The following DNTT variants were observed in gnomAD, a reference collection of about 807,000 sequenced individuals.
DNTT encodes nucleosidetriphosphate:DNA deoxynucleotidylexotransferase.
Under a neutral mutation model 60.9 loss-of-function variants are expected in DNTT, and 47 were observed. That is an observed-to-expected ratio of 0.77 (90% CI 0.61 to 0.98). The LOEUF is 0.98. Among genes scored for constraint, DNTT ranks in the 50% least tolerant of loss-of-function variants. DNTT has a pLI of 0.00. For missense variants in DNTT, 665 were observed against 627.5 expected (o/e 1.06, Z -0.64); for synonymous variants, 224 against 221.2 (o/e 1.01, Z -0.11).
At chr10:96,332,655 C>G (rs1320255703) in intron 9 of DNTT, 59 bp downstream of exon 9, 1 of 1,584,100 alleles carries the variant, frequency 6.3e-7, no homozygotes, top group East Asian at 2.2e-5. Flanking sequence ...TAGGCCGAGT[C>G]TACCTGGGCC....
chr10:96,328,005 A>C (rs554755146), intron 7 of DNTT, among the ~76,000 whole-genome samples: 1 of 152,120 alleles, frequency 6.6e-6, no homozygotes, highest in African/African-American at 2.4e-5. Context: ...ACATAGTTAC[A>C]GTGATTTGTT....
chr10:96,326,310 A>G (rs1457925199), intron 6 of DNTT, among the ~76,000 whole-genome samples: 1 of 151,564 alleles, frequency 6.6e-6, no homozygotes, highest in Non-Finnish European at 1.5e-5. Context: ...ATTTTTAGAA[A>G]TGTGGCTTTT....
chr10:96,317,939 G>A (rs1300157512), intron 1 of DNTT, among the ~76,000 whole-genome samples: 2 of 152,140 alleles, frequency 1.3e-5, no homozygotes, highest in Non-Finnish European at 2.9e-5. Context: ...AATATAAAAC[G>A]TATTTCTAAC....
chr10:96,335,757 A>G, intron 9 of DNTT, 134 bp from the exon 10 acceptor site: 1 of 938,750 alleles, frequency 1.1e-6, no homozygotes, highest in East Asian at 2.4e-5. Flanking sequence ...TCACCAGAGA[A>G]TTTGGCCCTG....
At chr10:96,327,722 A>G (rs773502678) in intron 7 of DNTT, 122 bp downstream of exon 7, 5 of 1,438,072 alleles carry the variant, frequency 3.5e-6, no homozygotes, top group African/African-American at 1.4e-5. Flanking sequence ...CTACAGCTTT[A>G]TCTCCTGCCT....
rs750797338 is a variant in DNTT, at chr10:96,328,863, C to T, written c.1113+33C>T. 3 of 1,592,516 alleles carry T rather than the reference C, an allele frequency of 1.9e-6. No individual in the cohort carries two copies. The East Asian group carries it at 6.7e-5, about 36-fold the overall frequency. On this transcript the variant is annotated intron_variant, in intron 8 of 10. Transcript: ENST00000371174. Reference sequence around the variant, plus strand: ...GAAAGATGAAAAATACATGCACACGCAAACATTATGTTAACACTTGAATTT... The same window carrying T: ...GAAAGATGAAAAATACATGCACACGTAAACATTATGTTAACACTTGAATTT...
chr10:96,317,972 T>C (rs1313012871), intron 1 of DNTT, among the ~76,000 whole-genome samples: 1 of 152,222 alleles, frequency 6.6e-6, no homozygotes, highest in Non-Finnish European at 1.5e-5. Flanking sequence ...TCAAACAAGT[T>C]TGAAGGCCAT....
At position 96,336,065 on chromosome 10, in the gene DNTT, G is replaced by T. The variant is rs528749795; in HGVS notation, c.1443+91G>T. On this transcript the variant is annotated intron_variant, in intron 10 of 10. Transcript: ENST00000371174. ...TTCATGGACTGATTTTAGTATCCAG[G>T]TATGGTTTCCTTTGTCATGCGTGTT... The T allele has an allele frequency of 1.7e-4, 214 of 1,275,244 alleles. 2 individuals carry two copies. Among genetic ancestry groups the T allele is most frequent in the Middle Eastern group, 3.7e-4 (2 of 5,460 alleles). 79.0% of individuals were successfully genotyped at this position (1,275,244 alleles called of 1,614,324 possible).
At chr10:96,319,465 T>C in intron 3 of DNTT, 75 bp downstream of exon 3, 2 of 1,586,320 alleles carry the variant, frequency 1.3e-6, no homozygotes, top group Admixed American at 3.6e-5. Flanking sequence ...CAAATTAAAT[T>C]ATAAATTTTT....
At chr10:96,322,200 A>T (rs1010380930) in intron 4 of DNTT, among the ~76,000 whole-genome samples, 2 of 152,198 alleles carry the variant, frequency 1.3e-5, no homozygotes, top group Non-Finnish European at 2.9e-5. Flanking sequence ...TTCAAGGACA[A>T]TTATCCCAAC....
chr10:96,323,876 A>G (rs188888811), intron 5 of DNTT, among the ~76,000 whole-genome samples: 5 of 152,284 alleles, frequency 3.3e-5, no homozygotes, highest in African/African-American at 1.2e-4. Context: ...CTACATGAGC[A>G]TCTCTTTTCA....
At chr10:96,311,774 G>C (rs1383305049) in intron 1 of DNTT, among the ~76,000 whole-genome samples, 4 of 152,170 alleles carry the variant, frequency 2.6e-5, no homozygotes, top group South Asian at 4.1e-4. Context: ...CTCCCGAGTG[G>C]CTGGGATTAC....
chr10:96,319,914 T>G (rs547503477), intron 3 of DNTT, among the ~76,000 whole-genome samples: 96 of 152,326 alleles, frequency 6.3e-4, no homozygotes, highest in Non-Finnish European at 1.2e-3. Context: ...CACTCAGCCC[T>G]CAGATTGGTA....
At chr10:96,332,745 G>A in intron 9 of DNTT, 149 bp downstream of exon 9, 3 of 1,177,138 alleles carry the variant, frequency 2.5e-6, no homozygotes, top group South Asian at 3.0e-5. Flanking sequence ...AAGGCATCCT[G>A]TCCACACATG....
chr10:96,320,761 G>A lies in DNTT; in HGVS notation c.651G>A (p.Leu217=). Reference sequence around the variant, plus strand: ...AGGACACAGAAGGAATTCCCTGCCTGGGGTCCAAGGTGAAGGGTATCATAG... The same window carrying A: ...AGGACACAGAAGGAATTCCCTGCCTAGGGTCCAAGGTGAAGGGTATCATAG... The part of the protein sequence containing the change: ...SMKDTEGIPC[L]GSKVKGIIEE... Residue 217 remains leucine (L), a synonymous_variant, in exon 4 of 11, where the codon CTG becomes CTA. Transcript: ENST00000371174. The A allele has an allele frequency of 6.2e-7, 1 of 1,613,736 alleles. No individual in the cohort carries two copies. Among genetic ancestry groups the A allele is most frequent in the Non-Finnish European group, 8.5e-7 (1 of 1,179,736 alleles).
At chr10:96,324,081 C>G in intron 5 of DNTT, among the ~76,000 whole-genome samples, 185 bp from the exon 6 acceptor site, 1 of 152,142 alleles carries the variant, frequency 6.6e-6, no homozygotes, top group East Asian at 1.9e-4. Flanking sequence ...CAAGAAAGGA[C>G]TCACCTGAAA....
At chr10:96,334,859 A>G (rs1845048870) in intron 9 of DNTT, among the ~76,000 whole-genome samples, 1 of 152,230 alleles carries the variant, frequency 6.6e-6, no homozygotes, top group African/African-American at 2.4e-5. Flanking sequence ...GAAGTGGTTG[A>G]CATTTGCCCA....
rs762997467 is a variant in DNTT, at chr10:96,338,239, CA to C, written c.*16del. 1.8e-5 allele frequency: 28 copies of C among 1,597,728 alleles called. No homozygotes were observed. In the South Asian group the frequency reaches 2.6e-4, roughly 15 times the overall value. On this transcript the variant is annotated 3_prime_UTR_variant, in exon 11 of 11. Transcript: ENST00000371174. ...GAAATGCCTAGGAAAGTGTTGTCAA[CA>C]TTTTTTTCCTATTCTTTTCAAGTTA...
At chr10:96,334,955 G>C (rs1564875859) in intron 9 of DNTT, among the ~76,000 whole-genome samples, 1 of 152,224 alleles carries the variant, frequency 6.6e-6, no homozygotes, top group Non-Finnish European at 1.5e-5. Flanking sequence ...GGTTCTGCAA[G>C]GCACTGGCAG....
Sources: allele counts gnomAD v4.1 joint callset (sites outside exome capture counted in the v4.1 genomes callset), GRCh38; gene constraint gnomAD v4.1.1; transcripts MANE v1.5; gene names NCBI Gene and HGNC (gene_info 2026-07-23, HGNC 2026-07-21).